The following LAMA5 variants were observed in gnomAD, a reference collection of about 807,000 sequenced individuals.
LAMA5 encodes the protein laminin subunit alpha-5.
In LAMA5, 260 loss-of-function variants were observed where a neutral mutation model predicts 433.4. The observed-to-expected ratio is 0.60, with a 90% confidence interval of 0.54 to 0.66. The LOEUF (loss-of-function observed/expected upper bound fraction) is 0.66, where lower values mean the gene tolerates loss of function less well. LAMA5 is among the 30% of genes least tolerant of loss of function. The pLI is 0.00. For missense variants in LAMA5, 5,378 were observed against 5,258.5 expected, an observed-to-expected ratio of 1.02 and a Z score of -0.70; for synonymous variants, 2,620 against 2,226.6, an observed-to-expected ratio of 1.18 and a Z score of -4.97.
In LAMA5 at chr20:62,332,682, T is replaced by A. The variant is rs145978926; in HGVS notation, c.3318A>T (p.Pro1106=). 21 of 1,610,850 alleles carry A rather than the reference T, an allele frequency of 1.3e-5. No homozygotes were observed. The highest frequency in any genetic ancestry group is 1.8e-5 in the Non-Finnish European group (21 of 1,179,202). Residue 1106 remains proline (P), a synonymous_variant, in exon 27 of 80, where the codon CCA becomes CCT. Transcript: ENST00000252999. ...DVQLQVAVPQ[P]GRYALVVEYA... is the part of the protein sequence containing the mutation. ...ACTCCACCACTAGGGCATAGCGGCC[T>A]GGCTGTGGCACTGCCACTTGAAGCT... is the stretch of plus-strand genomic sequence containing the variant.
chr20:62,314,258 G>A (rs959949753), intron 62 of LAMA5, 46 bp downstream of exon 62: 4 of 1,593,584 alleles, frequency 2.5e-6, no homozygotes, highest in East Asian at 2.2e-5. Context: ...GAACGGGCAA[G>A]GGCCCTGCAG....
At chr20:62,334,748 GGGCTC>G (rs1981225661) in intron 20 of LAMA5, 127 bp from the exon 21 acceptor site, 1 of 671,208 alleles carries the variant, frequency 1.5e-6, no homozygotes, top group African/African-American at 2.9e-5. Context: ...TCAGGGCTCA[GGGCTC>G]AGGGCGAGGG....
intron 1 of LAMA5, among the ~76,000 whole-genome samples, chr20:62,362,842 C>T (rs114481343): frequency 8.6e-6 from 1 of 116,626 alleles, no homozygotes; most frequent in Non-Finnish European, 1.8e-5. Context: ...GCCTCTCTAG[C>T]GGGGTGGCGT....
In LAMA5 at chr20:62,331,039, G is replaced by A. The variant is rs1388436858; in HGVS notation, c.3643C>T (p.Pro1215Ser). 3 of 1,597,504 alleles carry A rather than the reference G, an allele frequency of 1.9e-6. No homozygotes were observed. Among genetic ancestry groups the A allele is most frequent in the Non-Finnish European group, 2.6e-6 (3 of 1,173,206 alleles). ...CCCATTACCTGCCATTACCTGTTGG[G>A]GCCAAAGGCGCCGTGGCTGCTGATG... is the stretch of plus-strand genomic sequence containing the variant. ...SCISSHGAFGPNSAACLPSRF... is the reference protein window; with the variant it reads ...SCISSHGAFGSNSAACLPSRF... Residue 1215 changes from proline (P) to serine (S), a missense_variant, in exon 29 of 80, where the codon CCC becomes TCC. By Grantham distance (74) the Pro-to-Ser change is moderately conservative (BLOSUM62 -1). Transcript: ENST00000252999.
chr20:62,331,685 C>T (rs1387334768), intron 28 of LAMA5, among the ~76,000 whole-genome samples: 5 of 152,200 alleles, frequency 3.3e-5, no homozygotes, highest in Non-Finnish European at 7.3e-5. Flanking sequence ...GTTGGTGTCT[C>T]GGAACACGGC....
intron 14 of LAMA5, 29 bp from the exon 15 acceptor site, chr20:62,337,967 G>A (rs199805816): frequency 1.4e-5 from 22 of 1,597,526 alleles, no homozygotes; most frequent in Middle Eastern, 1.7e-4. Flanking sequence ...GTCAGGCCCT[G>A]GCGCCATGTG....
chr20:62,318,823 C>G lies in LAMA5; in HGVS notation c.7042+20G>C, dbSNP rs748135713. 4 of 1,608,920 alleles carry G rather than the reference C, an allele frequency of 2.5e-6. No homozygotes were observed. In the East Asian group the frequency reaches 6.7e-5, roughly 27 times the overall value. On this transcript the variant is annotated intron_variant, in intron 52 of 79. Coordinates refer to ENST00000252999, the MANE Select transcript of LAMA5 (RefSeq NM_005560.6). ...TCCCTGCCTCTCCCCACCCCGCCTG[C>G]CAGGGACAACACCACTCACATCTCT...
In LAMA5 at chr20:62,338,091, G is replaced by T. The variant is rs370354909; in HGVS notation, c.1816C>A (p.Leu606Ile). 5 of 1,603,024 alleles carry T rather than the reference G, an allele frequency of 3.1e-6. No homozygotes were observed. Among genetic ancestry groups the T allele is most frequent in the African/African-American group, 1.3e-5 (1 of 74,726 alleles). The change falls in exon 14 of 80, where the codon CTA (leucine) becomes ATA (isoleucine). Residue 606 changes from leucine (L) to isoleucine (I), a missense_variant. Coordinates refer to ENST00000252999, the MANE Select transcript of LAMA5 (RefSeq NM_005560.6). Reference protein sequence around the residue: ...PEGCDEAGRCLCQPEFAGPHC... With the variant: ...PEGCDEAGRCICQPEFAGPHC... ...GGTCCAGCAAACTCAGGCTGGCATAGGCAGCGGCCGGCCTCATCGCAGCCC... is the reference window on the plus strand; with the variant it reads ...GGTCCAGCAAACTCAGGCTGGCATATGCAGCGGCCGGCCTCATCGCAGCCC...
Position 62,314,400 on chromosome 20 carries a change from T to C in LAMA5, c.8408A>G (p.Lys2803Arg). Residue 2803 changes from lysine to arginine, a missense_variant, in exon 62 of 80, where the codon AAG (lysine) becomes AGG (arginine). Lys to Arg is a conservative substitution (Grantham distance 26). Coordinates refer to ENST00000252999, the MANE Select transcript of LAMA5 (RefSeq NM_005560.6). ...ACCCAGCTGATACACCCAGTGCACC[T>C]TCTTGTCACGCAGAGACACACCCAT... is the stretch of plus-strand genomic sequence containing the variant. ...DYMGVSLRDKKVHWVYQLGEA... is the reference protein window; with the variant it reads ...DYMGVSLRDKRVHWVYQLGEA... 1.2e-6 allele frequency: 2 copies of C among 1,613,480 alleles called. No homozygotes were observed. Among genetic ancestry groups the C allele is most frequent in the Non-Finnish European group, 1.7e-6 (2 of 1,179,946 alleles).
chr20:62,326,618 C>T, intron 40 of LAMA5, 59 bp downstream of exon 40: 1 of 1,396,178 alleles, frequency 7.2e-7, no homozygotes, highest in Non-Finnish European at 1.0e-6. Flanking sequence ...CCCCTTCCGG[C>T]CTTCCCAGAT....
intron 1 of LAMA5, among the ~76,000 whole-genome samples, chr20:62,365,986 G>A (rs1445296692): frequency 6.6e-6 from 1 of 152,164 alleles, no homozygotes; most frequent in African/African-American, 2.4e-5. Flanking sequence ...CCCCCACCCA[G>A]CAAATCTCCA....
At position 62,333,364 on chromosome 20, in the gene LAMA5, A is replaced by T; in HGVS notation, c.3128+11T>A. ...CCCCCACCCCGGTCCCACCGCACGC[A>T]TGGCCCTCACTTGTCGCCAGACTGC... is the stretch of plus-strand genomic sequence containing the variant. On this transcript the variant is annotated intron_variant, in intron 25 of 79. Coordinates refer to ENST00000252999, the MANE Select transcript of LAMA5 (RefSeq NM_005560.6). The T allele has an allele frequency of 1.9e-6, 3 of 1,608,936 alleles. No homozygotes were observed. Among genetic ancestry groups the T allele is most frequent in the Non-Finnish European group, 2.5e-6 (3 of 1,179,062 alleles).
chr20:62,331,161 C>T, intron 28 of LAMA5, 32 bp from the exon 29 acceptor site: 2 of 1,403,566 alleles, frequency 1.4e-6, no homozygotes, highest in Non-Finnish European at 1.9e-6. Context: ...GCTGCAACGC[C>T]CGTGGTGCGG....
chr20:62,333,729 C>T, intron 23 of LAMA5, 23 bp from the exon 24 acceptor site: 5 of 1,557,604 alleles, frequency 3.2e-6, no homozygotes, highest in South Asian at 1.2e-5. Flanking sequence ...AGGGGTGAGA[C>T]TCCTGAGCCC....
rs774545181 is a variant in LAMA5 at position 62,351,826 on chromosome 20, C to A, written c.859-25G>T. On this transcript the variant is annotated intron_variant, in intron 5 of 79. Coordinates refer to ENST00000252999, the MANE Select transcript of LAMA5 (RefSeq NM_005560.6). ...ACTGCACCCGCAGGCCCCGTGAGCA[C>A]CAGGCGGCCAGGCCTCACTCACCCT... 5 of 1,587,252 alleles carry A rather than the reference C, an allele frequency of 3.2e-6. No individual in the cohort carries two copies. The South Asian group carries it at 4.6e-5, about 14-fold the overall frequency.
Position 62,330,898 on chromosome 20 carries a change from T to A in LAMA5, c.3697A>T (p.Ile1233Phe). ...GGGATCACCTGGCAGTCCCTGAGGA[T>A]GATGGGCTGGGGCGGCTTTGGGAAG... ...SRFPKPPQPI[I>F]LRDCQVIPLP... The change falls in exon 30 of 80, where the codon ATC (isoleucine) becomes TTC (phenylalanine). Residue 1233 changes from isoleucine to phenylalanine, a missense_variant. Physicochemically the swap from Ile to Phe is conservative, Grantham distance 21. Transcript: ENST00000252999. 1.9e-6 allele frequency: 3 copies of A among 1,546,634 alleles called. No individual in the cohort carries two copies. Among genetic ancestry groups the A allele is most frequent in the South Asian group, 2.4e-5 (2 of 83,802 alleles).
chr20:62,334,691 G>A (rs1981206190), intron 20 of LAMA5, 70 bp from the exon 21 acceptor site: 2 of 1,299,760 alleles, frequency 1.5e-6, no homozygotes, highest in African/African-American at 2.9e-5. Context: ...CTCACAGCCA[G>A]ACTGAGAAGC....
At chr20:62,346,849 C>A (rs778165574) in intron 7 of LAMA5, 49 bp from the exon 8 acceptor site, 2 of 1,604,080 alleles carry the variant, frequency 1.2e-6, no homozygotes, top group East Asian at 2.2e-5. Context: ...CAGGCCCGGG[C>A]ACCGGGGCCC....
At position 62,319,764 on chromosome 20, in the gene LAMA5, A is replaced by G; in HGVS notation, c.6791T>C (p.Leu2264Ser). 1 of 1,548,528 alleles carries G rather than the reference A, an allele frequency of 6.5e-7. No homozygotes were observed. Among genetic ancestry groups the G allele is most frequent in the Non-Finnish European group, 8.7e-7 (1 of 1,147,066 alleles). ...CAGTGTGGCCTCGGTGCCGGCCAGC[A>G]ATTGGCTCGCCTGGTCTCGGGTCCC... is the stretch of plus-strand genomic sequence containing the variant. ...AVGTRDQASQ[L>S]LAGTEATLGH... Residue 2264 changes from leucine to serine, a missense_variant, in exon 51 of 80, where the codon TTG becomes TCG. Physicochemically the swap from Leu to Ser is moderately radical, Grantham distance 145. Transcript: ENST00000252999.
Sources: allele counts gnomAD v4.1 joint callset (sites outside exome capture counted in the v4.1 genomes callset), GRCh38; gene constraint gnomAD v4.1.1; transcripts MANE v1.5; gene names NCBI Gene and HGNC (gene_info 2026-07-23, HGNC 2026-07-21).